The following ZNF407 variants were observed in gnomAD, a reference collection of about 807,000 sequenced individuals.
ZNF407 encodes zinc finger protein 407.
ZNF407 carries 17 observed loss-of-function variants against 131.2 expected under a neutral mutation model. That is an observed-to-expected ratio of 0.13 (90% CI 0.09 to 0.19). ZNF407 has a LOEUF of 0.19. Ranked by LOEUF, ZNF407 falls within the 10% of genes least tolerant of loss-of-function variation. The probability of loss-of-function intolerance (pLI) is 1.00; values close to 1 mark genes in which losing one functional copy is unlikely to be tolerated. For missense variants in ZNF407, 2,681 were observed against 2,830.6 expected (o/e 0.95, Z 1.20); for synonymous variants, 1,156 against 1,062.0 (o/e 1.09, Z -1.72).
intron 3 of ZNF407, among the ~76,000 whole-genome samples, chr18:74,738,536 G>C (rs1000467001): frequency 6.9e-6 from 1 of 144,356 alleles, no homozygotes; most frequent in African/African-American, 2.9e-5. Flanking sequence ...TCAGGAGTTT[G>C]AGACCAATCT....
intron 2 of ZNF407, among the ~76,000 whole-genome samples, chr18:74,638,222 C>A (rs960315600): frequency 6.6e-6 from 1 of 152,194 alleles, no homozygotes; most frequent in African/African-American, 2.4e-5. Flanking sequence ...CAATACGTGA[C>A]AAAGGACAGA....
chr18:74,677,630 T>G (rs917536136), intron 3 of ZNF407, among the ~76,000 whole-genome samples: 28 of 152,206 alleles, frequency 1.8e-4, no homozygotes, highest in Admixed American at 5.9e-4. Flanking sequence ...TAAAATACTT[T>G]AGGCAAAACT....
chr18:74,988,512 T>A lies in ZNF407; in HGVS notation c.5428+67820T>A, dbSNP rs191281109. Reference sequence around the variant, plus strand: ...GATATAAAATAGTTTTTATATATTTTTATATATATCTGGCCTAGTTCTTGA... The same window carrying A: ...GATATAAAATAGTTTTTATATATTTATATATATATCTGGCCTAGTTCTTGA... On this transcript the variant is annotated intron_variant, in intron 8 of 8. Coordinates refer to ENST00000299687, the MANE Select transcript of ZNF407 (RefSeq NM_017757.3). 2.2e-3 allele frequency among the ~76,000 whole-genome samples: 336 copies of A among 151,076 alleles called. 2 individuals are homozygous for A. Among genetic ancestry groups the A allele is most frequent in the African/African-American group, 7.3e-3 (304 of 41,388 alleles).
At chr18:74,719,656 G>A (rs1967981096) in intron 3 of ZNF407, among the ~76,000 whole-genome samples, 1 of 152,172 alleles carries the variant, frequency 6.6e-6, no homozygotes, top group African/African-American at 2.4e-5. Flanking sequence ...TCCCGCCTCA[G>A]CCTCCCAAAG....
chr18:75,012,841 T>TG (rs781434274), intron 8 of ZNF407, among the ~76,000 whole-genome samples: 5 of 152,140 alleles, frequency 3.3e-5, no homozygotes, highest in Admixed American at 1.3e-4. Context: ...TTTAAATACA[T>TG]GCATTTTTCT....
chr18:74,950,133 G>A lies in ZNF407; in HGVS notation c.5428+29441G>A, dbSNP rs564263158. The stretch of plus-strand genomic sequence containing the variant: ...CAGCAGGCAGGAGGACAGTGCTCCA[G>A]AGTCCTCTTCAGAAGCCAGTGGTGC... On this transcript the variant is annotated intron_variant, in intron 8 of 8. Transcript: ENST00000299687. 5.9e-5 allele frequency among the ~76,000 whole-genome samples: 9 copies of A among 152,292 alleles called. No individual in the cohort carries two copies. In the South Asian group the frequency reaches 1.2e-3, roughly 21 times the overall value.
At chr18:74,751,395 T>G (rs1443400979) in intron 3 of ZNF407, among the ~76,000 whole-genome samples, 1 of 152,200 alleles carries the variant, frequency 6.6e-6, no homozygotes, top group Non-Finnish European at 1.5e-5. Context: ...TATTATACTT[T>G]AAGTTCTAGG....
chr18:74,637,320 G>A (rs2144681466), intron 2 of ZNF407, among the ~76,000 whole-genome samples: 1 of 152,308 alleles, frequency 6.6e-6, no homozygotes, highest in East Asian at 1.9e-4. Flanking sequence ...ATTTGAAAAT[G>A]TCCACCAGGT....
chr18:74,895,332 T>C (rs1599226672), intron 7 of ZNF407, among the ~76,000 whole-genome samples: 1 of 152,006 alleles, frequency 6.6e-6, no homozygotes, highest in African/African-American at 2.4e-5. Context: ...CCAGTGTCTC[T>C]TTGATTTCAC....
At chr18:74,912,714 G>A (rs1971691182) in intron 7 of ZNF407, among the ~76,000 whole-genome samples, 1 of 152,056 alleles carries the variant, frequency 6.6e-6, no homozygotes, top group East Asian at 1.9e-4. Context: ...AAATAAGGAA[G>A]CCATAGAACA....
intron 8 of ZNF407, among the ~76,000 whole-genome samples, chr18:74,963,961 T>G (rs1170617465): frequency 6.6e-6 from 1 of 152,228 alleles, no homozygotes; most frequent in African/African-American, 2.4e-5. Context: ...CAGGCCTCAT[T>G]ACAGCTGCCT....
At chr18:74,630,049 A>G (rs913337838) in intron 1 of ZNF407, among the ~76,000 whole-genome samples, 2 of 152,192 alleles carry the variant, frequency 1.3e-5, no homozygotes, top group African/African-American at 4.8e-5. Flanking sequence ...CATTGGTAAA[A>G]GAGCTTGAGC....
intron 1 of ZNF407, among the ~76,000 whole-genome samples, chr18:74,617,498 C>T (rs1242366074): frequency 1.3e-5 from 2 of 152,180 alleles, no homozygotes; most frequent in Non-Finnish European, 2.9e-5. Context: ...TTTTATAAAG[C>T]CTTTCTCTGT....
At chr18:74,773,883 C>T (rs999266498) in intron 3 of ZNF407, among the ~76,000 whole-genome samples, 3 of 152,170 alleles carry the variant, frequency 2.0e-5, no homozygotes, top group African/African-American at 7.2e-5. Flanking sequence ...TAGCAGTGAT[C>T]AGAGTTAGCA....
chr18:74,948,092 G>C (rs1008634848), intron 8 of ZNF407, among the ~76,000 whole-genome samples: 1 of 152,198 alleles, frequency 6.6e-6, no homozygotes, highest in African/African-American at 2.4e-5. Flanking sequence ...ATCACCATTT[G>C]AAAGAAGGTA....
chr18:74,941,946 G>T (rs1038497237), intron 8 of ZNF407, among the ~76,000 whole-genome samples: 1 of 152,168 alleles, frequency 6.6e-6, no homozygotes, highest in Non-Finnish European at 1.5e-5. Context: ...TGGCAGGATT[G>T]TGTTAGAATA....
intron 6 of ZNF407, among the ~76,000 whole-genome samples, chr18:74,887,177 C>T (rs1014790810): frequency 3.3e-5 from 5 of 151,822 alleles, no homozygotes; most frequent in Admixed American, 1.3e-4. Context: ...TTTTTTATTA[C>T]GCAGTATGAA....
chr18:74,732,377 G>A (rs1351956653), intron 3 of ZNF407, among the ~76,000 whole-genome samples: 2 of 152,098 alleles, frequency 1.3e-5, no homozygotes, highest in Non-Finnish European at 1.5e-5. Flanking sequence ...AGGTTTCCTG[G>A]TATTTTAGAG....
intron 3 of ZNF407, among the ~76,000 whole-genome samples, chr18:74,757,114 C>A (rs1968982328): frequency 6.6e-6 from 1 of 151,728 alleles, no homozygotes; most frequent in Non-Finnish European, 1.5e-5. Flanking sequence ...TTATTTCATC[C>A]CTTCTGCTCA....
Sources: gnomAD v4.1 joint callset for allele counts (sites outside exome capture counted in the v4.1 genomes callset) on GRCh38, gnomAD v4.1.1 for gene constraint, MANE v1.5 for transcripts, NCBI Gene and HGNC (gene_info 2026-07-23, HGNC 2026-07-21) for gene names.